The following KCNK17 variants were observed in gnomAD, a reference collection of about 807,000 sequenced individuals.
KCNK17 encodes the protein potassium two pore domain channel subfamily K member 17, also known as potassium channel subfamily K member 17.
KCNK17 carries 27 observed loss-of-function variants against 24.6 expected under a neutral mutation model. The observed-to-expected ratio is 1.10, with a 90% confidence interval of 0.81 to 1.51. KCNK17 has a LOEUF of 1.51. Among genes scored for constraint, KCNK17 ranks in the 40% most tolerant of loss-of-function variants. The pLI, the probability that KCNK17 is intolerant of heterozygous loss-of-function variation, is 0.00. For missense variants in KCNK17, 450 were observed against 436.6 expected (o/e 1.03, Z -0.27); for synonymous variants, 181 against 189.8 (o/e 0.95, Z 0.38).
intron 1 of KCNK17, among the ~76,000 whole-genome samples, chr6:39,311,361 T>A (rs1429524520): frequency 1.3e-5 from 2 of 152,102 alleles, no homozygotes; most frequent in Non-Finnish European, 2.9e-5. Flanking sequence ...AGGCGTGATG[T>A]GTGGTGCTTT....
intron 3 of KCNK17, 131 bp from the exon 4 acceptor site, chr6:39,304,262 T>G: frequency 2.2e-6 from 2 of 928,444 alleles, no homozygotes; most frequent in Non-Finnish European, 1.6e-6. Flanking sequence ...GTTCTCCAGG[T>G]TCCCTGCCTG....
In KCNK17 at chr6:39,303,910, A is replaced by G. The variant is rs116735676; in HGVS notation, c.688+47T>C. ...CTGCGGGAGCAGATGAGTGAGAGGT[A>G]TAGGCAGCCGAATGTCCCCGCCAGC... On this transcript the variant is annotated intron_variant, in intron 4 of 4. Coordinates refer to ENST00000373231, the MANE Select transcript of KCNK17 (RefSeq NM_031460.4). 2,285 of 1,592,318 alleles carry G rather than the reference A, an allele frequency of 1.4e-3. 34 individuals are homozygous for G. The African/African-American group carries it at 0.027, about 19-fold the overall frequency.
intron 2 of KCNK17, among the ~76,000 whole-genome samples, chr6:39,305,657 G>GC (rs1762023254): frequency 6.6e-6 from 1 of 152,196 alleles, no homozygotes; most frequent in Non-Finnish European, 1.5e-5. Flanking sequence ...ATGCAAAACT[G>GC]ATTAGATCAT....
rs767399918 is a variant in KCNK17, at chr6:39,299,534, G to T, written c.892C>A (p.Pro298Thr). 1.4e-5 allele frequency: 22 copies of T among 1,614,032 alleles called. No individual in the cohort carries two copies. The African/African-American group carries it at 2.7e-4, about 20-fold the overall frequency. ...CCTTGCTGTGGGGAGTGGGACTCTG[G>T]CTCCCGGTCAGGTCCCTGTCTCCAG... The part of the protein sequence containing the change: ...QSWRQGPDRE[P>T]ESHSPQQGCY... Residue 298 changes from proline to threonine, a missense_variant, in exon 5 of 5, where the codon CCA becomes ACA. Transcript: ENST00000373231.
At chr6:39,307,905 C>T (rs905597182) in intron 2 of KCNK17, among the ~76,000 whole-genome samples, 1 of 152,220 alleles carries the variant, frequency 6.6e-6, no homozygotes, top group Non-Finnish European at 1.5e-5. Context: ...ACACACAAGT[C>T]ACATTCCCAT....
chr6:39,299,986 G>A (rs1048755155), intron 4 of KCNK17, among the ~76,000 whole-genome samples: 2 of 152,230 alleles, frequency 1.3e-5, no homozygotes, highest in Non-Finnish European at 2.9e-5. Context: ...CTCCATCCCA[G>A]CAGTTCTCAA....
intron 1 of KCNK17, among the ~76,000 whole-genome samples, chr6:39,311,590 A>G (rs931857332): frequency 3.3e-5 from 5 of 152,220 alleles, no homozygotes; most frequent in African/African-American, 1.2e-4. Context: ...TTGTTGTGTT[A>G]AATAAGGTAT....
intron 2 of KCNK17, among the ~76,000 whole-genome samples, chr6:39,310,481 T>G (rs1762113938): frequency 6.6e-6 from 1 of 151,918 alleles, no homozygotes; most frequent in Non-Finnish European, 1.5e-5. Flanking sequence ...TCTTCTTCCT[T>G]CCTAACTTTC....
intron 1 of KCNK17, among the ~76,000 whole-genome samples, chr6:39,312,862 G>T (rs915453762): frequency 6.6e-6 from 1 of 152,174 alleles, no homozygotes; most frequent in Admixed American, 6.5e-5. Context: ...TGGGGAGCTG[G>T]AGGAATCACT....
At chr6:39,304,308 C>T in intron 3 of KCNK17, 177 bp from the exon 4 acceptor site, 2 of 774,712 alleles carry the variant, frequency 2.6e-6, no homozygotes, top group East Asian at 2.7e-5. Flanking sequence ...TCTGCCCAGT[C>T]CCACCCCATC....
At chr6:39,311,311 C>T (rs2113841224) in intron 1 of KCNK17, among the ~76,000 whole-genome samples, 1 of 152,282 alleles carries the variant, frequency 6.6e-6, no homozygotes, top group South Asian at 2.1e-4. Context: ...GACTCATTTT[C>T]TCCCCTGCTC....
chr6:39,308,590 C>T (rs1398050260), intron 2 of KCNK17, among the ~76,000 whole-genome samples: 1 of 152,224 alleles, frequency 6.6e-6, no homozygotes, highest in Non-Finnish European at 1.5e-5. Context: ...CATGCCCAGC[C>T]TTCAATTTAT....
intron 2 of KCNK17, among the ~76,000 whole-genome samples, chr6:39,306,512 C>T (rs1368906950): frequency 4.6e-5 from 7 of 152,146 alleles, no homozygotes; most frequent in Non-Finnish European, 1.0e-4. Flanking sequence ...CTCATTTTGC[C>T]TCCTAGCACT....
rs762570124 is a variant in KCNK17, at chr6:39,314,080, T to C, written c.237+4A>G. Reference sequence around the variant, plus strand: ...CGCCCAGGCCGACGCCGCTCGCCCCTGACCCGGATCAGCGAGTCCAGCGCC... The same window carrying C: ...CGCCCAGGCCGACGCCGCTCGCCCCCGACCCGGATCAGCGAGTCCAGCGCC... On this transcript the variant is annotated splice_donor_region_variant and intron_variant, in intron 1 of 4. Coordinates refer to ENST00000373231, the MANE Select transcript of KCNK17 (RefSeq NM_031460.4). The C allele has an allele frequency of 1.3e-6, 2 of 1,575,900 alleles. No homozygotes were observed. The highest frequency in any genetic ancestry group is 2.3e-5 in the East Asian group (1 of 43,242).
At position 39,311,013 on chromosome 6, in the gene KCNK17, G is replaced by C; in HGVS notation, c.238-6C>G. ...TTGTATGCTTGGACGACATCCTGGG[G>C]AAGAGGCTGCAATGACCACCAGGCT... On this transcript the variant is annotated splice_region_variant and splice_polypyrimidine_tract_variant and intron_variant, in intron 1 of 4. Coordinates refer to ENST00000373231, the MANE Select transcript of KCNK17 (RefSeq NM_031460.4). 1 of 1,588,990 alleles carries C rather than the reference G, an allele frequency of 6.3e-7. No homozygotes were observed. The highest frequency in any genetic ancestry group is 8.6e-7 in the Non-Finnish European group (1 of 1,162,260).
chr6:39,306,201 G>A (rs1185804958), intron 2 of KCNK17, among the ~76,000 whole-genome samples: 1 of 151,998 alleles, frequency 6.6e-6, no homozygotes, highest in Non-Finnish European at 1.5e-5. Flanking sequence ...GTGCCACCAC[G>A]CCCAGCTAAT....
intron 4 of KCNK17, among the ~76,000 whole-genome samples, chr6:39,303,739 C>A (rs1465341492): frequency 6.6e-6 from 1 of 152,172 alleles, no homozygotes; most frequent in Non-Finnish European, 1.5e-5. Flanking sequence ...AATAGGTGGG[C>A]CCGCGGACGT....
chr6:39,299,303 T>C lies in KCNK17; in HGVS notation c.*124A>G. On this transcript the variant is annotated 3_prime_UTR_variant, in exon 5 of 5. Coordinates refer to ENST00000373231, the MANE Select transcript of KCNK17 (RefSeq NM_031460.4). Reference sequence around the variant, plus strand: ...TGTATACCCTATTGGGCAGAATTAATCATATAGCTGCACCCAGCCTCTAGG... The same window carrying C: ...TGTATACCCTATTGGGCAGAATTAACCATATAGCTGCACCCAGCCTCTAGG... 1 of 719,220 alleles carries C rather than the reference T, an allele frequency of 1.4e-6. No individual in the cohort carries two copies. Among genetic ancestry groups the C allele is most frequent in the African/African-American group, 1.8e-5 (1 of 56,176 alleles). 44.6% of individuals were successfully genotyped at this position (719,220 alleles called of 1,614,324 possible).
chr6:39,303,695 C>T (rs769443986), intron 4 of KCNK17, among the ~76,000 whole-genome samples: 1 of 152,096 alleles, frequency 6.6e-6, no homozygotes, highest in South Asian at 2.1e-4. Context: ...CGGAGGGAGG[C>T]GGGGACTCCC....
Sources: gnomAD v4.1 joint callset for allele counts (sites outside exome capture counted in the v4.1 genomes callset) on GRCh38, gnomAD v4.1.1 for gene constraint, MANE v1.5 for transcripts, NCBI Gene and HGNC (gene_info 2026-07-23, HGNC 2026-07-21) for gene names.